Variants in NID1 observed in about 807,000 individuals in gnomAD.
NID1 encodes the protein nidogen 1.
Under a neutral mutation model 130.6 loss-of-function variants are expected in NID1, and 76 were observed. The observed-to-expected ratio is 0.58, with a 90% CI of 0.48 to 0.70. NID1 has a LOEUF of 0.70. Ranked by LOEUF, NID1 falls within the 30% of genes least tolerant of loss-of-function variation. The pLI, the probability that NID1 is intolerant of heterozygous loss-of-function variation, is 0.00. For synonymous variants in NID1, 665 were observed against 675.1 expected (o/e 0.98, Z 0.23); for missense variants, 1,517 against 1,664.8 (o/e 0.91, Z 1.54).
In NID1 at chr1:236,048,846, T is replaced by G; in HGVS notation, c.369A>C (p.Arg123=). ...GAGTGATGGAGGGGGATAAGTCTTC[T>G]CGATAATAAACCTTCCCCAGGCCAT... The part of the protein sequence containing the change: ...TTDGLGKVYY[R]EDLSPSITQR... The change falls in exon 2 of 20, where the codon CGA becomes CGC. Residue 123 remains arginine, a synonymous_variant. Transcript: ENST00000264187. The G allele has an allele frequency of 1.2e-6, 2 of 1,614,074 alleles. No individual in the cohort carries two copies. Among genetic ancestry groups the G allele is most frequent in the Non-Finnish European group, 1.7e-6 (2 of 1,180,006 alleles).
intron 12 of NID1, among the ~76,000 whole-genome samples, chr1:236,003,854 A>G (rs1294815670): frequency 2.0e-5 from 3 of 151,910 alleles, no homozygotes; most frequent in African/African-American, 7.3e-5. Context: ...TGGGCAACAG[A>G]GTGAGATCCT....
intron 6 of NID1, among the ~76,000 whole-genome samples, chr1:236,030,409 G>A (rs1002047300): frequency 2.0e-5 from 3 of 152,144 alleles, no homozygotes; most frequent in Non-Finnish European, 4.4e-5. Flanking sequence ...AATCTTGCCA[G>A]CTGCCTATTT....
At chr1:236,064,610 G>A (rs1222301696) in intron 1 of NID1, 2 of 510,410 alleles carry the variant, frequency 3.9e-6, no homozygotes, top group South Asian at 4.0e-5. Flanking sequence ...CATGGGTGCC[G>A]GGGTCACGGC....
Position 236,053,646 on chromosome 1 carries a change from T to C in NID1, c.226-4657A>G, listed in dbSNP as rs577559679. ...TTCCTGCCTATTTGTAGGTTCTGGC[T>C]TCTCTCCCCACTATGTGGTCATTTC... On this transcript the variant is annotated intron_variant, in intron 1 of 19. Coordinates refer to ENST00000264187, the MANE Select transcript of NID1 (RefSeq NM_002508.3). Among the ~76,000 whole-genome samples the C allele has an allele frequency of 7.2e-5, 11 of 152,296 alleles. No homozygotes were observed. The East Asian group carries it at 1.3e-3, about 19-fold the overall frequency.
chr1:236,013,619 T>G lies in NID1; in HGVS notation c.2255-59A>C, dbSNP rs1375527949. On this transcript the variant is annotated intron_variant, in intron 10 of 19. Coordinates refer to ENST00000264187, the MANE Select transcript of NID1 (RefSeq NM_002508.3). The stretch of plus-strand genomic sequence containing the variant: ...AAGAAAGTCCCCTGAGCAGGCCACA[T>G]GCCCCTCCCAGCTCTATAAAGAGAG... 8.1e-6 allele frequency: 13 copies of G among 1,602,576 alleles called. No individual in the cohort carries two copies. The East Asian group carries it at 2.7e-4, about 33-fold the overall frequency.
intron 1 of NID1, chr1:236,064,607 G>A (rs1330329439): frequency 3.9e-6 from 2 of 507,154 alleles, no homozygotes; most frequent in Non-Finnish European, 7.2e-6. Flanking sequence ...GTCCATGGGT[G>A]CCGGGGTCAC....
chr1:236,048,742 T>C lies in NID1; in HGVS notation c.473A>G (p.Glu158Gly). The change falls in exon 2 of 20, where the codon GAA becomes GGA. Residue 158 changes from glutamate (E) to glycine (G), a missense_variant. By Grantham distance (98) the Glu-to-Gly change is moderately conservative. Around this residue, in one of 3 missense-constraint regions of NID1, gnomAD observed 1,329 missense variants for 1,429.2 expected, o/e 0.93. Coordinates refer to ENST00000264187, the MANE Select transcript of NID1 (RefSeq NM_002508.3). The stretch of plus-strand genomic sequence containing the variant: ...GGGCCCTTGGTAGGGGGCCACGGAT[T>C]CCCAAGTGACAACCACCGCGCTACT... Reference protein sequence around the residue: ...QPSSAVVVTWESVAPYQGPSR... With the variant: ...QPSSAVVVTWGSVAPYQGPSR... The C allele has an allele frequency of 6.2e-7, 1 of 1,612,870 alleles. No homozygotes were observed. Among genetic ancestry groups the C allele is most frequent in the Non-Finnish European group, 8.5e-7 (1 of 1,179,994 alleles).
intron 15 of NID1, among the ~76,000 whole-genome samples, chr1:235,983,021 C>T (rs1388944668): frequency 2.0e-5 from 3 of 152,122 alleles, no homozygotes; most frequent in Admixed American, 6.5e-5. Context: ...ATTACAGGTG[C>T]GTGCCACCAT....
intron 15 of NID1, among the ~76,000 whole-genome samples, chr1:235,984,846 C>G (rs1440055096): frequency 6.6e-6 from 1 of 152,092 alleles, no homozygotes; most frequent in African/African-American, 2.4e-5. Flanking sequence ...AAATTGGCAT[C>G]CTTAATGAGG....
At chr1:236,064,771 A>T in intron 1 of NID1, 84 bp downstream of exon 1, 1 of 1,334,738 alleles carries the variant, frequency 7.5e-7, no homozygotes, top group East Asian at 2.8e-5. Flanking sequence ...CCCGCCTGCT[A>T]CGCCCAAGTC....
Position 236,013,477 on chromosome 1 carries a change from T to C in NID1, c.2338A>G (p.Thr780Ala), listed in dbSNP as rs148665567. Residue 780 changes from threonine to alanine, a missense_variant, in exon 11 of 20, where the codon ACA becomes GCA. Physicochemically the swap from Thr to Ala is moderately conservative, Grantham distance 58. Around this residue, in one of 3 missense-constraint regions of NID1, gnomAD observed 1,329 missense variants for 1,429.2 expected, o/e 0.93. Transcript: ENST00000264187. ...GAACAGGTGTAGGAGGAGCCTCCTG[T>C]GTAGATACACTGGGCCCGCTGGGGT... ...DIPQRAQCIY[T>A]GGSSYTCSCL... is the part of the protein sequence containing the mutation. 9 of 1,614,096 alleles carry C rather than the reference T, an allele frequency of 5.6e-6. No homozygotes were observed. Among genetic ancestry groups the C allele is most frequent in the Middle Eastern group, 1.7e-4 (1 of 6,054 alleles).
chr1:236,020,246 T>C (rs950463657), intron 9 of NID1, among the ~76,000 whole-genome samples: 2 of 152,172 alleles, frequency 1.3e-5, no homozygotes, highest in African/African-American at 4.8e-5. Flanking sequence ...GATCACTTTC[T>C]AACTCAATAG....
At chr1:236,039,647 C>T (rs770611920) in intron 4 of NID1, among the ~76,000 whole-genome samples, 2 of 152,094 alleles carry the variant, frequency 1.3e-5, no homozygotes, top group Non-Finnish European at 2.9e-5. Flanking sequence ...TTCAAAAGCA[C>T]AAGAGGGGTA....
chr1:236,049,920 C>G (rs1318113412), intron 1 of NID1, among the ~76,000 whole-genome samples: 1 of 151,868 alleles, frequency 6.6e-6, no homozygotes, highest in Non-Finnish European at 1.5e-5. Flanking sequence ...CACCAAATCC[C>G]AGCTACTCGG....
intron 2 of NID1, 74 bp downstream of exon 2, chr1:236,048,616 C>A: frequency 6.7e-7 from 1 of 1,494,990 alleles, no homozygotes; most frequent in Admixed American, 2.2e-5. Context: ...GTCAAAGCAG[C>A]ACAAGGCGTG....
intron 1 of NID1, among the ~76,000 whole-genome samples, chr1:236,061,528 CG>C (rs1660036245): frequency 6.6e-6 from 1 of 152,008 alleles, no homozygotes; most frequent in South Asian, 2.1e-4. Flanking sequence ...TGCAATGGCG[CG>C]ATCTTGGCTT....
At position 235,982,841 on chromosome 1, in the gene NID1, G is replaced by T. The variant is rs565898478; in HGVS notation, c.3056-1059C>A. ...GGGCTACCCTACCTGAGGGATCTGG[G>T]GTATGAGGCAACCATTCCAATACTG... On this transcript the variant is annotated intron_variant, in intron 15 of 19. Transcript: ENST00000264187. 2.0e-5 allele frequency among the ~76,000 whole-genome samples: 3 copies of T among 152,132 alleles called. No individual in the cohort carries two copies. In the South Asian group the frequency reaches 6.2e-4, roughly 32 times the overall value.
intron 11 of NID1, among the ~76,000 whole-genome samples, chr1:236,012,481 C>A (rs949286416): frequency 2.0e-5 from 3 of 147,398 alleles, no homozygotes; most frequent in Non-Finnish European, 4.4e-5. Flanking sequence ...TTGCTTGAAC[C>A]CGGGAGGTGG....
chr1:236,016,874 A>C (rs1193961252), intron 10 of NID1, among the ~76,000 whole-genome samples: 1 of 152,200 alleles, frequency 6.6e-6, no homozygotes, highest in African/African-American at 2.4e-5. Context: ...GAAAATGATT[A>C]AAAGAAGTTT....
Sources: allele counts gnomAD v4.1 joint callset (sites outside exome capture counted in the v4.1 genomes callset), GRCh38; gene constraint gnomAD v4.1.1; regional missense constraint gnomAD v4.1.1; transcripts MANE v1.5; gene names NCBI Gene and HGNC (gene_info 2026-07-23, HGNC 2026-07-21).